KDM6A: variants seen among roughly 807,000 people sequenced by gnomAD.
KDM6A encodes lysine demethylase 6A.
A neutral mutation model predicts 117.6 loss-of-function variants in KDM6A; 11 were observed. The observed-to-expected ratio is 0.09, with a 90% CI of 0.06 to 0.15. The LOEUF is 0.15. KDM6A is among the 10% of genes least tolerant of loss of function. KDM6A has a pLI of 1.00. For synonymous variants in KDM6A, 384 were observed against 396.1 expected, an observed-to-expected ratio of 0.97 and a Z score of 0.36; for missense variants, 799 against 1,077.3, an observed-to-expected ratio of 0.74 and a Z score of 3.62.
At chrX:44,902,908 A>G (rs1257858742) in intron 2 of KDM6A, among the ~76,000 whole-genome samples, 2 of 111,774 alleles carry the variant, frequency 1.8e-5, no homozygotes, top group East Asian at 5.6e-4. Context: ...AGTAGGGCAA[A>G]GGGATGAATA....
At chrX:45,065,095 G>A (rs911770761) in intron 17 of KDM6A, among the ~76,000 whole-genome samples, 1 of 112,225 alleles carries the variant, frequency 8.9e-6, no homozygotes, top group African/African-American at 3.2e-5. Context: ...TGGTAGGAGA[G>A]TTGCAGTTAT....
intron 3 of KDM6A, among the ~76,000 whole-genome samples, chrX:44,968,970 C>CA (rs57829328): frequency 0.11 from 5,452 of 50,689 alleles, 333 homozygotes; most frequent in East Asian, 0.49. Context: ...AACTCCATCT[C>CA]AAAAAAAAAA....
intron 2 of KDM6A, among the ~76,000 whole-genome samples, chrX:44,933,820 C>T (rs776051144): frequency 3.6e-5 from 4 of 111,207 alleles, no homozygotes; most frequent in East Asian, 2.8e-4. Flanking sequence ...TCAAGTGATC[C>T]GCCTACCTCT....
At chrX:45,074,837 T>C (rs927621663) in intron 18 of KDM6A, among the ~76,000 whole-genome samples, 1 of 112,143 alleles carries the variant, frequency 8.9e-6, no homozygotes, top group Non-Finnish European at 1.9e-5. Context: ...AACAACATTT[T>C]CCATTGTTTT....
At chrX:45,021,263 C>T (rs2042159774) in intron 6 of KDM6A, among the ~76,000 whole-genome samples, 1 of 111,693 alleles carries the variant, frequency 9.0e-6, no homozygotes, top group Admixed American at 9.5e-5. Flanking sequence ...TGATTAACTT[C>T]GTATCCATGG....
intron 27 of KDM6A, among the ~76,000 whole-genome samples, chrX:45,096,871 A>G (rs759303252): frequency 9.0e-6 from 1 of 111,448 alleles, no homozygotes; most frequent in Non-Finnish European, 1.9e-5. Flanking sequence ...GTATATAACC[A>G]AAGGAATATA....
At chrX:44,937,305 A>G (rs1339648311) in intron 2 of KDM6A, among the ~76,000 whole-genome samples, 1 of 111,409 alleles carries the variant, frequency 9.0e-6, no homozygotes, top group African/African-American at 3.3e-5. Flanking sequence ...GGAGAGTTAT[A>G]GGCACACCTT....
intron 4 of KDM6A, among the ~76,000 whole-genome samples, chrX:44,989,343 C>T (rs2040441241): frequency 2.8e-5 from 3 of 107,096 alleles, no homozygotes; most frequent in Non-Finnish European, 5.8e-5. Context: ...TGACTCCTTG[C>T]ACTTCCCGGG....
chrX:45,063,979 G>C (rs1353240375), intron 17 of KDM6A, among the ~76,000 whole-genome samples, 162 bp downstream of exon 17: 1 of 111,912 alleles, frequency 8.9e-6, no homozygotes, highest in Non-Finnish European at 1.9e-5. Flanking sequence ...GTACATACAT[G>C]AGTATATCTT....
chrX:44,933,530 C>T (rs1488691424), intron 2 of KDM6A, among the ~76,000 whole-genome samples: 2 of 109,017 alleles, frequency 1.8e-5, no homozygotes, highest in African/African-American at 6.7e-5. Flanking sequence ...GTCTCAGCCT[C>T]CCAAAGTGCT....
intron 27 of KDM6A, among the ~76,000 whole-genome samples, 167 bp downstream of exon 27, chrX:45,091,031 T>A (rs778322202): frequency 2.3e-4 from 26 of 111,147 alleles, no homozygotes; most frequent in African/African-American, 8.2e-4. Flanking sequence ...CCCTTTCAAA[T>A]AGCCCACTAT....
chrX:44,978,682 G>A (rs1186924565), intron 4 of KDM6A, among the ~76,000 whole-genome samples: 2 of 111,879 alleles, frequency 1.8e-5, no homozygotes, highest in African/African-American at 6.5e-5. Flanking sequence ...TTAAATAGTT[G>A]TATAACCATT....
At chrX:44,982,085 C>A (rs1470829119) in intron 4 of KDM6A, among the ~76,000 whole-genome samples, 1 of 111,191 alleles carries the variant, frequency 9.0e-6, no homozygotes, top group Non-Finnish European at 1.9e-5. Flanking sequence ...GTAAACAAAA[C>A]CGACCTTTTT....
At position 45,107,530 on chromosome X, in the gene KDM6A, T is replaced by G; in HGVS notation, c.4155T>G (p.Ile1385Met). Residue 1385 changes from isoleucine to methionine, a missense_variant, in exon 28 of 30, where the codon ATT becomes ATG. Ile to Met is a conservative substitution (Grantham distance 10). Transcript: ENST00000611820. ...AAGAACCAGCTCATTACTGTAGCAT[T>G]TGTGAAGTAAGTAATTGTTTTTATC... ...TKEEPAHYCS[I>M]CEVEVFDLLF... is the part of the protein sequence containing the mutation. The G allele has an allele frequency of 4.1e-6, 5 of 1,205,318 alleles. No homozygotes were observed. Among genetic ancestry groups the G allele is most frequent in the Non-Finnish European group, 5.6e-6 (5 of 893,468 alleles).
intron 24 of KDM6A, among the ~76,000 whole-genome samples, chrX:45,084,519 A>G (rs1169058757): frequency 9.0e-6 from 1 of 111,592 alleles, no homozygotes; most frequent in Non-Finnish European, 1.9e-5. Context: ...ATTCTTACTG[A>G]GTCGTGCTTA....
intron 8 of KDM6A, among the ~76,000 whole-genome samples, chrX:45,042,548 A>G (rs2043318459): frequency 1.8e-5 from 2 of 111,482 alleles, no homozygotes; most frequent in Admixed American, 1.9e-4. Flanking sequence ...TTACCAATGG[A>G]CCCTATTTAT....
intron 2 of KDM6A, among the ~76,000 whole-genome samples, chrX:44,883,174 T>C (rs1323973917): frequency 9.2e-6 from 1 of 108,363 alleles, no homozygotes; most frequent in African/African-American, 3.4e-5. Context: ...GCTCAAGCAA[T>C]TCTCCTGTCT....
intron 2 of KDM6A, among the ~76,000 whole-genome samples, chrX:44,933,825 A>G (rs1309738998): frequency 9.2e-6 from 1 of 108,952 alleles, no homozygotes; most frequent in Non-Finnish European, 1.9e-5. Flanking sequence ...TGATCCGCCT[A>G]CCTCTGCCTT....
chrX:44,902,368 T>C (rs1370407369), intron 2 of KDM6A, among the ~76,000 whole-genome samples: 2 of 110,956 alleles, frequency 1.8e-5, no homozygotes, highest in Non-Finnish European at 3.8e-5. Context: ...TCATCTGTTG[T>C]TTTTGTTCTG....
Sources: allele counts gnomAD v4.1 joint callset (sites outside exome capture counted in the v4.1 genomes callset), GRCh38; gene constraint gnomAD v4.1.1; transcripts MANE v1.5; gene names NCBI Gene and HGNC (gene_info 2026-07-23, HGNC 2026-07-21).